The following MECOM variants were observed in gnomAD, a reference collection of about 807,000 sequenced individuals.
MECOM encodes the protein histone-lysine N-methyltransferase MECOM.
MECOM carries 13 observed loss-of-function variants against 116.3 expected under a neutral mutation model. The observed-to-expected ratio is 0.11, with a 90% confidence interval of 0.07 to 0.18. The LOEUF is 0.18. Among genes scored for constraint, MECOM ranks in the 10% least tolerant of loss-of-function variants. MECOM has a pLI of 1.00. For synonymous variants in MECOM, 528 were observed against 535.2 expected (o/e 0.99, Z 0.19); for missense variants, 1,299 against 1,509.0 (o/e 0.86, Z 2.31).
At chr3:169,372,377 C>G (rs1730287740) in intron 2 of MECOM, among the ~76,000 whole-genome samples, 1 of 151,986 alleles carries the variant, frequency 6.6e-6, no homozygotes, top group Non-Finnish European at 1.5e-5. Flanking sequence ...TTTAAAGAAG[C>G]AAACTTTTTA....
chr3:169,208,167 T>C (rs887198031), intron 2 of MECOM, among the ~76,000 whole-genome samples: 5 of 151,670 alleles, frequency 3.3e-5, no homozygotes, highest in African/African-American at 9.7e-5. Flanking sequence ...ACCTTTCTAT[T>C]ATAACACAGT....
At chr3:169,376,749 C>G (rs774542241) in intron 2 of MECOM, among the ~76,000 whole-genome samples, 2 of 152,164 alleles carry the variant, frequency 1.3e-5, no homozygotes, top group Non-Finnish European at 2.9e-5. Flanking sequence ...ATTGGCCATA[C>G]TGCTCAAAGT....
chr3:169,497,125 T>C (rs1291048334), intron 1 of MECOM, among the ~76,000 whole-genome samples: 3 of 152,172 alleles, frequency 2.0e-5, no homozygotes, highest in Admixed American at 6.5e-5. Context: ...TTAATGGCAA[T>C]ATTATTCTCC....
chr3:169,225,899 T>G (rs1405350506), intron 2 of MECOM, among the ~76,000 whole-genome samples: 1 of 152,184 alleles, frequency 6.6e-6, no homozygotes, highest in Non-Finnish European at 1.5e-5. Context: ...TGAGCCACCA[T>G]GCCCAGCCAA....
At chr3:169,458,265 C>T (rs759877874) in intron 1 of MECOM, among the ~76,000 whole-genome samples, 1 of 152,232 alleles carries the variant, frequency 6.6e-6, no homozygotes, top group South Asian at 2.1e-4. Flanking sequence ...TAATGGTATC[C>T]CACTCATTTA....
At chr3:169,472,170 T>A (rs1384753083) in intron 1 of MECOM, among the ~76,000 whole-genome samples, 1 of 151,456 alleles carries the variant, frequency 6.6e-6, no homozygotes, top group Non-Finnish European at 1.5e-5. Context: ...CCAATAAATA[T>A]ACACACCAAC....
At chr3:169,563,427 C>A (rs535138547) in intron 1 of MECOM, among the ~76,000 whole-genome samples, 1 of 152,156 alleles carries the variant, frequency 6.6e-6, no homozygotes, top group Non-Finnish European at 1.5e-5. Context: ...TTGACATATC[C>A]CATGTTTTGA....
rs1553863131 is a variant in MECOM, at chr3:169,472,518, G to GAAAGGAAAGGAAAGAAAAGA, written c.38-90995_38-90994insTCTTTTCTTTCCTTTCCTTT. On this transcript the variant is annotated intron_variant, in intron 1 of 16. Coordinates refer to ENST00000651503, the MANE Select transcript of MECOM (RefSeq NM_004991.4). The stretch of plus-strand genomic sequence containing the variant: ...GAAAGGAAAGGAAAGGAAAGGAAAG[G>GAAAGGAAAGGAAAGAAAAGA]AAAGAAAAGAAAAGAAAAGGAAAGG... Among the ~76,000 whole-genome samples, 14 of 70,112 alleles carry GAAAGGAAAGGAAAGAAAAGA rather than the reference G, an allele frequency of 2.0e-4. 1 individual carries two copies. The highest frequency in any genetic ancestry group is 8.5e-4 in the East Asian group (2 of 2,356). 46.0% of individuals were successfully genotyped at this position (70,112 alleles called of 152,430 possible).
At chr3:169,238,196 A>C (rs1379848441) in intron 2 of MECOM, among the ~76,000 whole-genome samples, 1 of 151,940 alleles carries the variant, frequency 6.6e-6, no homozygotes, top group Non-Finnish European at 1.5e-5. Flanking sequence ...AAAAAGAAAA[A>C]AGAAAAAAGA....
intron 1 of MECOM, among the ~76,000 whole-genome samples, chr3:169,434,058 T>C (rs1412589998): frequency 6.6e-6 from 1 of 152,234 alleles, no homozygotes; most frequent in Non-Finnish European, 1.5e-5. Context: ...ATTAAGATTA[T>C]GTTCCCTTTA....
intron 1 of MECOM, among the ~76,000 whole-genome samples, chr3:169,455,419 G>A (rs761916905): frequency 1.3e-5 from 2 of 152,204 alleles, no homozygotes; most frequent in Non-Finnish European, 2.9e-5. Context: ...GGCTGGTGAT[G>A]GCACCTGAAT....
chr3:169,500,497 T>G (rs944777054), intron 1 of MECOM, among the ~76,000 whole-genome samples: 2 of 152,048 alleles, frequency 1.3e-5, no homozygotes, highest in Non-Finnish European at 2.9e-5. Context: ...TTTTGAATAC[T>G]GCAAAATAAT....
At chr3:169,482,960 T>C (rs1449933328) in intron 1 of MECOM, among the ~76,000 whole-genome samples, 5 of 152,216 alleles carry the variant, frequency 3.3e-5, no homozygotes, top group Non-Finnish European at 7.3e-5. Context: ...GTATCAAGAT[T>C]AATTGTTCCT....
Position 169,313,813 on chromosome 3 carries a change from G to C in MECOM, c.375+67374C>G, listed in dbSNP as rs61550744. 7.7e-3 allele frequency among the ~76,000 whole-genome samples: 1,171 copies of C among 152,280 alleles called. 14 individuals are homozygous for C. The highest frequency in any genetic ancestry group is 0.027 in the African/African-American group (1,122 of 41,550). ...GGAGAATCAGATCAAACTAGAGCTT[G>C]GGAATGGCCAGTTGAGAAGTAAGAG... On this transcript the variant is annotated intron_variant, in intron 2 of 16. Transcript: ENST00000651503.
At chr3:169,238,166 C>A (rs1330008652) in intron 2 of MECOM, among the ~76,000 whole-genome samples, 25 of 137,668 alleles carry the variant, frequency 1.8e-4, no homozygotes, top group Admixed American at 5.3e-4. Flanking sequence ...TGGAGCTAGA[C>A]TCCATCTCAA....
chr3:169,180,300 A>G (rs1745774778), intron 2 of MECOM, among the ~76,000 whole-genome samples: 2 of 152,164 alleles, frequency 1.3e-5, no homozygotes, highest in African/African-American at 4.8e-5. Flanking sequence ...GCACTAAATG[A>G]AAAGGTTTTA....
intron 1 of MECOM, among the ~76,000 whole-genome samples, chr3:169,486,009 T>C (rs1205088611): frequency 8.7e-5 from 3 of 34,438 alleles, no homozygotes; most frequent in Admixed American, 3.0e-4. Flanking sequence ...ATATATACTA[T>C]ATATATATGT....
chr3:169,626,974 A>G (rs1577173122), intron 1 of MECOM, among the ~76,000 whole-genome samples: 1 of 152,168 alleles, frequency 6.6e-6, no homozygotes, highest in South Asian at 2.1e-4. Flanking sequence ...TAACAATGCT[A>G]TATGAGGGTT....
intron 2 of MECOM, among the ~76,000 whole-genome samples, chr3:169,273,602 G>A (rs960113544): frequency 6.6e-6 from 1 of 152,184 alleles, no homozygotes; most frequent in Non-Finnish European, 1.5e-5. Context: ...GCTTGGGAAT[G>A]CTACGGTTTC....
Sources: gnomAD v4.1 joint callset for allele counts (sites outside exome capture counted in the v4.1 genomes callset) on GRCh38, gnomAD v4.1.1 for gene constraint, MANE v1.5 for transcripts, NCBI Gene and HGNC (gene_info 2026-07-23, HGNC 2026-07-21) for gene names.